The following GRIP1 variants were observed in gnomAD, a reference collection of about 807,000 sequenced individuals.
GRIP1 encodes the protein glutamate receptor-interacting protein 1.
Under a neutral mutation model 129.9 loss-of-function variants are expected in GRIP1, and 45 were observed. The observed-to-expected ratio is 0.35, with a 90% CI of 0.27 to 0.44. GRIP1 has a LOEUF of 0.44. GRIP1 is among the 20% of genes least tolerant of loss of function. GRIP1 has a pLI of 1.00. For missense variants in GRIP1, 1,196 were observed against 1,396.8 expected, an observed-to-expected ratio of 0.86 and a Z score of 2.29; for synonymous variants, 530 against 520.8, an observed-to-expected ratio of 1.02 and a Z score of -0.24.
chr12:66,884,874 G>C (rs1343105014), intron 1 of GRIP1, among the ~76,000 whole-genome samples: 3 of 152,054 alleles, frequency 2.0e-5, no homozygotes, highest in Admixed American at 1.3e-4. Flanking sequence ...TTGAAGCTGA[G>C]GCATCCATTT....
intron 1 of GRIP1, among the ~76,000 whole-genome samples, chr12:66,835,575 C>T (rs2039598651): frequency 6.6e-6 from 1 of 152,066 alleles, no homozygotes; most frequent in African/African-American, 2.4e-5. Flanking sequence ...TTAGCACCAA[C>T]AAGAAATGAA....
At chr12:66,526,269 C>G (rs1446116654) in intron 5 of GRIP1, among the ~76,000 whole-genome samples, 3 of 151,870 alleles carry the variant, frequency 2.0e-5, no homozygotes, top group Non-Finnish European at 4.4e-5. Context: ...AGCTACCTGA[C>G]TTCAAACTAT....
rs148127802 is a variant in GRIP1, at chr12:66,566,106, C to T, written c.137-24156G>A. Among the ~76,000 whole-genome samples the T allele has an allele frequency of 2.2e-4, 34 of 152,248 alleles. No homozygotes were observed. The East Asian group carries it at 6.2e-3, about 28-fold the overall frequency. ...ACTTCCTCTTTTCCTAACTGAATAC[C>T]CTTTATTTATTTCTCCTGCCTAATT... On this transcript the variant is annotated intron_variant, in intron 2 of 24. Transcript: ENST00000359742.
chr12:66,928,073 G>T (rs2041325598), intron 1 of GRIP1, among the ~76,000 whole-genome samples: 1 of 152,198 alleles, frequency 6.6e-6, no homozygotes, highest in Non-Finnish European at 1.5e-5. Context: ...GAGAAATGGA[G>T]CAAGGCACTG....
At chr12:66,606,423 T>C (rs1253862277) in intron 1 of GRIP1, among the ~76,000 whole-genome samples, 3 of 152,158 alleles carry the variant, frequency 2.0e-5, no homozygotes, top group Non-Finnish European at 4.4e-5. Flanking sequence ...AATAATTTCT[T>C]AGAGATCTGT....
In GRIP1 at chr12:66,540,083, C is replaced by T. The variant is rs548501154; in HGVS notation, c.273-860G>A. ...GCTCCAGTCTGCAGTACATGCATGGCCCTTACCTCACTTTCCTGACACTTA... is the reference window on the plus strand; with the variant it reads ...GCTCCAGTCTGCAGTACATGCATGGTCCTTACCTCACTTTCCTGACACTTA... On this transcript the variant is annotated intron_variant, in intron 3 of 24. Coordinates refer to ENST00000359742, the MANE Select transcript of GRIP1 (RefSeq NM_001366722.1). Among the ~76,000 whole-genome samples, 32 of 152,324 alleles carry T rather than the reference C, an allele frequency of 2.1e-4. No individual in the cohort carries two copies. In the South Asian group the frequency reaches 6.4e-3, roughly 31 times the overall value.
chr12:67,056,621 G>C (rs1288798222), intron 1 of GRIP1, among the ~76,000 whole-genome samples: 1 of 152,094 alleles, frequency 6.6e-6, no homozygotes, highest in Non-Finnish European at 1.5e-5. Flanking sequence ...AGTTCAAATG[G>C]AGGAGACATA....
intron 9 of GRIP1, among the ~76,000 whole-genome samples, chr12:66,460,317 G>A (rs2059098911): frequency 6.6e-6 from 1 of 152,138 alleles, no homozygotes; most frequent in Non-Finnish European, 1.5e-5. Flanking sequence ...AGAGATATAT[G>A]GCCACAGAAG....
chr12:66,401,598 G>GTGTGTATA (rs71096098), intron 16 of GRIP1, among the ~76,000 whole-genome samples: 21 of 66,270 alleles, frequency 3.2e-4, no homozygotes, highest in African/African-American at 9.8e-4. Context: ...AAATATGTGT[G>GTGTGTATA]TATATATATA....
chr12:66,361,823 A>G (rs910193670), intron 23 of GRIP1, among the ~76,000 whole-genome samples: 1 of 151,792 alleles, frequency 6.6e-6, no homozygotes, highest in Non-Finnish European at 1.5e-5. Context: ...CAACAGATTG[A>G]CCTCCGTTCC....
chr12:67,056,083 T>C (rs1348546494), intron 1 of GRIP1, among the ~76,000 whole-genome samples: 1 of 152,114 alleles, frequency 6.6e-6, no homozygotes, highest in Admixed American at 6.6e-5. Flanking sequence ...CTTGATAGTA[T>C]AGTAGAAGGG....
chr12:66,459,580 G>A (rs971701369), intron 9 of GRIP1, among the ~76,000 whole-genome samples: 3 of 152,142 alleles, frequency 2.0e-5, no homozygotes, highest in African/African-American at 2.4e-5. Context: ...ACCAGCTATT[G>A]CTTTCTCAGA....
intron 2 of GRIP1, among the ~76,000 whole-genome samples, chr12:66,560,117 T>G (rs1442429009): frequency 6.6e-6 from 1 of 152,126 alleles, no homozygotes; most frequent in Non-Finnish European, 1.5e-5. Flanking sequence ...GATATCCATA[T>G]GCAGAAGAAT....
intron 1 of GRIP1, among the ~76,000 whole-genome samples, chr12:66,785,537 A>G (rs531581308): frequency 6.6e-6 from 1 of 151,422 alleles, no homozygotes; most frequent in Non-Finnish European, 1.5e-5. Context: ...GAGGCGATGG[A>G]AATATTTCGG....
At chr12:66,830,548 G>A (rs1274833823) in intron 1 of GRIP1, among the ~76,000 whole-genome samples, 1 of 152,188 alleles carries the variant, frequency 6.6e-6, no homozygotes, top group African/African-American at 2.4e-5. Context: ...AAGTGAGGCT[G>A]TGCTGATACC....
chr12:66,372,416 T>C (rs759215288), intron 22 of GRIP1: 67 of 221,266 alleles, frequency 3.0e-4, no homozygotes, highest in Non-Finnish European at 5.2e-4. Context: ...ATGACTGATA[T>C]AAAGGCAAGG....
chr12:66,567,088 T>A (rs369253807), intron 2 of GRIP1, among the ~76,000 whole-genome samples: 2 of 152,192 alleles, frequency 1.3e-5, no homozygotes, highest in South Asian at 4.1e-4. Context: ...CCTGGATTCA[T>A]TGATTTTTTG....
chr12:66,592,704 G>T (rs2063891677), intron 2 of GRIP1, among the ~76,000 whole-genome samples: 1 of 152,140 alleles, frequency 6.6e-6, no homozygotes, highest in Non-Finnish European at 1.5e-5. Flanking sequence ...CTTCACAAAT[G>T]AGACAGACAT....
chr12:66,652,588 G>A (rs537379461), intron 1 of GRIP1, among the ~76,000 whole-genome samples: 66 of 152,320 alleles, frequency 4.3e-4, no homozygotes, highest in African/African-American at 1.6e-3. Context: ...AGAAAAATGT[G>A]TTTGAAAGTT....
Sources: gnomAD v4.1 joint callset for allele counts (sites outside exome capture counted in the v4.1 genomes callset) on GRCh38, gnomAD v4.1.1 for gene constraint, MANE v1.5 for transcripts, NCBI Gene and HGNC (gene_info 2026-07-23, HGNC 2026-07-21) for gene names.